KIAA0232: variants seen among roughly 807,000 people sequenced by gnomAD.
KIAA0232 encodes uncharacterized protein KIAA0232.
A neutral mutation model predicts 122.0 loss-of-function variants in KIAA0232; 27 were observed. That is an observed-to-expected ratio of 0.22 (90% confidence interval 0.16 to 0.31). The LOEUF is 0.31. KIAA0232 is among the 10% of genes least tolerant of loss of function. KIAA0232 has a pLI of 1.00. For missense variants in KIAA0232, 1,551 were observed against 1,634.2 expected, an observed-to-expected ratio of 0.95 and a Z score of 0.88; for synonymous variants, 613 against 587.6, an observed-to-expected ratio of 1.04 and a Z score of -0.63.
In KIAA0232 at chr4:6,824,709, C is replaced by T. The variant is rs1718588024; in HGVS notation, c.231+25C>T. On this transcript the variant is annotated intron_variant, in intron 3 of 9. Coordinates refer to ENST00000307659, the MANE Select transcript of KIAA0232 (RefSeq NM_014743.3). ...GGTATTTACATATTTTAAGTGTTTT[C>T]TGAAAACTGATTGTATCTGTATGTA... 1.9e-6 allele frequency: 3 copies of T among 1,587,354 alleles called. No individual in the cohort carries two copies. In the African/African-American group the frequency reaches 4.0e-5, roughly 21 times the overall value.
chr4:6,824,147 A>G (rs1367122177), intron 2 of KIAA0232, 38 bp from the exon 3 acceptor site: 8 of 477,964 alleles, frequency 1.7e-5, no homozygotes, highest in Non-Finnish European at 2.9e-5. Flanking sequence ...TATTATTTAT[A>G]TATAATGCAT....
chr4:6,785,640 A>G (rs890001344), intron 1 of KIAA0232, among the ~76,000 whole-genome samples: 6 of 152,128 alleles, frequency 3.9e-5, no homozygotes, highest in South Asian at 2.1e-4. Flanking sequence ...ACCCCTTCCT[A>G]TCCATTCTTT....
chr4:6,868,982 G>A (rs1354875515), intron 7 of KIAA0232, among the ~76,000 whole-genome samples: 1 of 152,152 alleles, frequency 6.6e-6, no homozygotes, highest in East Asian at 1.9e-4. Flanking sequence ...GAGACTGTTG[G>A]CCTGGCGGAA....
chr4:6,829,966 T>G (rs1267698258), intron 3 of KIAA0232, among the ~76,000 whole-genome samples: 1 of 152,230 alleles, frequency 6.6e-6, no homozygotes, highest in African/African-American at 2.4e-5. Context: ...TAAACTACCA[T>G]TGAGAGTTTA....
intron 4 of KIAA0232, among the ~76,000 whole-genome samples, chr4:6,844,211 A>T (rs962317755): frequency 1.3e-5 from 2 of 151,984 alleles, no homozygotes; most frequent in African/African-American, 4.8e-5. Flanking sequence ...AAGTGCTGGG[A>T]TTACAGGCGT....
intron 4 of KIAA0232, among the ~76,000 whole-genome samples, chr4:6,846,737 G>C (rs983171690): frequency 1.3e-5 from 2 of 152,048 alleles, no homozygotes; most frequent in Admixed American, 1.3e-4. Flanking sequence ...TAGGCCATCT[G>C]TGTGTCCCCT....
At chr4:6,809,975 A>G (rs1717803294) in intron 2 of KIAA0232, among the ~76,000 whole-genome samples, 1 of 152,216 alleles carries the variant, frequency 6.6e-6, no homozygotes, top group African/African-American at 2.4e-5. Flanking sequence ...GGATTGGAAG[A>G]ATTAATATCA....
chr4:6,802,431 A>T (rs145094053), intron 1 of KIAA0232, among the ~76,000 whole-genome samples: 2 of 152,308 alleles, frequency 1.3e-5, no homozygotes, highest in Non-Finnish European at 2.9e-5. Flanking sequence ...CCATGGTTGG[A>T]CAATATTTTT....
At chr4:6,835,624 C>T (rs954421745) in intron 3 of KIAA0232, among the ~76,000 whole-genome samples, 3 of 152,184 alleles carry the variant, frequency 2.0e-5, no homozygotes, top group South Asian at 2.1e-4. Context: ...CCCAGCTCCC[C>T]GCCTCCCAAC....
intron 1 of KIAA0232, among the ~76,000 whole-genome samples, chr4:6,796,589 C>T (rs536189863): frequency 6.6e-6 from 1 of 152,156 alleles, no homozygotes; most frequent in Non-Finnish European, 1.5e-5. Flanking sequence ...TTAAAGAAAG[C>T]TCTAACATAG....
At chr4:6,804,140 G>A (rs1269229758) in intron 1 of KIAA0232, among the ~76,000 whole-genome samples, 1 of 152,206 alleles carries the variant, frequency 6.6e-6, no homozygotes, top group Non-Finnish European at 1.5e-5. Context: ...GTGTTTCCCA[G>A]ATTCAAGGAT....
chr4:6,804,825 G>GA (rs1717541721), intron 2 of KIAA0232, among the ~76,000 whole-genome samples: 1 of 152,162 alleles, frequency 6.6e-6, no homozygotes, highest in East Asian at 1.9e-4. Flanking sequence ...CAGGTCAGGT[G>GA]ATCTATGCCT....
At chr4:6,869,199 C>G (rs1165615029) in intron 7 of KIAA0232, among the ~76,000 whole-genome samples, 1 of 152,200 alleles carries the variant, frequency 6.6e-6, no homozygotes, top group Admixed American at 6.5e-5. Context: ...TCCCATCCCC[C>G]ACCATGAACT....
intron 3 of KIAA0232, among the ~76,000 whole-genome samples, chr4:6,828,226 T>C (rs555849165): frequency 5.9e-5 from 9 of 152,072 alleles, no homozygotes; most frequent in Non-Finnish European, 1.2e-4. Flanking sequence ...TAAAAAAAAT[T>C]ATCTGGATGC....
chr4:6,814,382 T>G (rs548940123), intron 2 of KIAA0232, among the ~76,000 whole-genome samples: 11 of 151,914 alleles, frequency 7.2e-5, no homozygotes, highest in African/African-American at 2.4e-4. Flanking sequence ...GTTGGTTGTT[T>G]TTTTTTTTTA....
intron 7 of KIAA0232, among the ~76,000 whole-genome samples, chr4:6,868,358 G>C (rs765876017): frequency 1.3e-5 from 2 of 152,182 alleles, no homozygotes; most frequent in Non-Finnish European, 2.9e-5. Context: ...CTTGGTGCTG[G>C]TGGAGTCACA....
intron 3 of KIAA0232, among the ~76,000 whole-genome samples, chr4:6,826,103 A>G (rs1418552930): frequency 6.6e-6 from 1 of 151,724 alleles, no homozygotes; most frequent in Non-Finnish European, 1.5e-5. Flanking sequence ...ATGGGGAGCT[A>G]CTCTTTCCAG....
At chr4:6,833,699 A>C (rs1719115885) in intron 3 of KIAA0232, among the ~76,000 whole-genome samples, 1 of 152,212 alleles carries the variant, frequency 6.6e-6, no homozygotes, top group African/African-American at 2.4e-5. Context: ...GAGTATATAC[A>C]TGCCAGTATT....
chr4:6,856,873 G>A (rs1228880789), intron 4 of KIAA0232, among the ~76,000 whole-genome samples: 1 of 152,156 alleles, frequency 6.6e-6, no homozygotes, highest in African/African-American at 2.4e-5. Context: ...TGCCCCATGA[G>A]CAAGATGACA....
Sources: gnomAD v4.1 joint callset for allele counts (sites outside exome capture counted in the v4.1 genomes callset) on GRCh38, gnomAD v4.1.1 for gene constraint, MANE v1.5 for transcripts, NCBI Gene and HGNC (gene_info 2026-07-23, HGNC 2026-07-21) for gene names.